TBL1XR1: variants seen among roughly 807,000 people sequenced by gnomAD.
The protein encoded by TBL1XR1 is TBL1X/Y related 1, also known as F-box-like/WD repeat-containing protein TBL1XR1.
Under a neutral mutation model 66.9 loss-of-function variants are expected in TBL1XR1, and 5 were observed. The observed-to-expected ratio is 0.07, with a 90% CI of 0.04 to 0.16. The LOEUF (loss-of-function observed/expected upper bound fraction) is 0.16, where lower values mean the gene tolerates loss of function less well. TBL1XR1 is among the 10% of genes least tolerant of loss of function. The pLI is 1.00. For missense variants in TBL1XR1, 238 were observed against 623.2 expected (o/e 0.38, Z 6.58); for synonymous variants, 210 against 206.0 (o/e 1.02, Z -0.17).
At chr3:177,053,293 C>A (rs1379348126) in intron 4 of TBL1XR1, among the ~76,000 whole-genome samples, 1 of 152,120 alleles carries the variant, frequency 6.6e-6, no homozygotes, top group Admixed American at 6.5e-5. Flanking sequence ...ATGTTCCAAT[C>A]AAACTTTATT....
chr3:177,157,099 T>A (rs1051345093), intron 1 of TBL1XR1, among the ~76,000 whole-genome samples: 1 of 152,128 alleles, frequency 6.6e-6, no homozygotes, highest in African/African-American at 2.4e-5. Flanking sequence ...GTAATCCCAC[T>A]TTGGGAGGCT....
At chr3:177,041,488 TTTTC>T (rs1715579756) in intron 10 of TBL1XR1, among the ~76,000 whole-genome samples, 1 of 152,154 alleles carries the variant, frequency 6.6e-6, no homozygotes, top group Non-Finnish European at 1.5e-5. Context: ...TCCTAAGAGG[TTTTC>T]CACAATAAGT....
intron 1 of TBL1XR1, among the ~76,000 whole-genome samples, chr3:177,183,408 G>A (rs1348470148): frequency 6.6e-6 from 1 of 152,142 alleles, no homozygotes; most frequent in Non-Finnish European, 1.5e-5. Flanking sequence ...CCATGTTAAC[G>A]TTTGTGTAAA....
intron 1 of TBL1XR1, chr3:177,195,454 G>C (rs1577462352): frequency 6.6e-6 from 1 of 151,606 alleles, no homozygotes; most frequent in Admixed American, 6.6e-5. Flanking sequence ...AAAATGGTGA[G>C]AACATACAAT....
At chr3:177,127,904 G>A in intron 1 of TBL1XR1, among the ~76,000 whole-genome samples, 1 of 152,152 alleles carries the variant, frequency 6.6e-6, no homozygotes, top group East Asian at 1.9e-4. Context: ...TTTACTATCA[G>A]TTATCAACGT....
intron 1 of TBL1XR1, among the ~76,000 whole-genome samples, chr3:177,100,151 G>C (rs1264657840): frequency 6.6e-6 from 1 of 152,116 alleles, no homozygotes; most frequent in Non-Finnish European, 1.5e-5. Flanking sequence ...GGGCACGAGG[G>C]TCACTTGAGC....
Position 177,087,922 on chromosome 3 carries a change from A to C in TBL1XR1, c.-46+10544T>G, listed in dbSNP as rs191280928. On this transcript the variant is annotated intron_variant, in intron 2 of 15. Coordinates refer to ENST00000457928, the MANE Select transcript of TBL1XR1 (RefSeq NM_024665.7). Reference sequence around the variant, plus strand: ...AGTACACCCAAAGAAAATTAGGAAAACTTAAAAATAAGCCAGATAATATTC... The same window carrying C: ...AGTACACCCAAAGAAAATTAGGAAACCTTAAAAATAAGCCAGATAATATTC... Among the ~76,000 whole-genome samples, 4 of 152,270 alleles carry C rather than the reference A, an allele frequency of 2.6e-5. No individual in the cohort carries two copies. In the East Asian group the frequency reaches 7.7e-4, roughly 29 times the overall value.
At chr3:177,121,887 A>G (rs1011991545) in intron 1 of TBL1XR1, among the ~76,000 whole-genome samples, 12 of 152,262 alleles carry the variant, frequency 7.9e-5, no homozygotes, top group Non-Finnish European at 1.3e-4. Context: ...CAACTAATAA[A>G]AAGAGCCATT....
intron 1 of TBL1XR1, among the ~76,000 whole-genome samples, chr3:177,180,610 G>T (rs1311949846): frequency 2.6e-5 from 4 of 152,006 alleles, no homozygotes; most frequent in Non-Finnish European, 5.9e-5. Flanking sequence ...CTGGTTTCTA[G>T]AAAGTAGCTC....
At chr3:177,186,345 C>A (rs1314625697) in intron 1 of TBL1XR1, among the ~76,000 whole-genome samples, 2 of 152,214 alleles carry the variant, frequency 1.3e-5, no homozygotes, top group Non-Finnish European at 2.9e-5. Flanking sequence ...GCTACAGCTA[C>A]AAATCGTATC....
intron 1 of TBL1XR1, among the ~76,000 whole-genome samples, chr3:177,139,338 G>A (rs1458818837): frequency 2.0e-5 from 3 of 152,030 alleles, no homozygotes; most frequent in African/African-American, 2.4e-5. Context: ...CCTGGCCAAC[G>A]TGGTGAAACC....
chr3:177,130,370 AAAC>A (rs747069093), intron 1 of TBL1XR1, among the ~76,000 whole-genome samples: 5 of 152,140 alleles, frequency 3.3e-5, no homozygotes, highest in East Asian at 3.8e-4. Context: ...ATTCAGTCAA[AAAC>A]AACAACAACA....
chr3:177,041,314 G>A (rs1282662654), intron 10 of TBL1XR1: 1 of 152,254 alleles, frequency 6.6e-6, no homozygotes, highest in Non-Finnish European at 1.5e-5. Context: ...GGAGGGAGGA[G>A]AGATCTAAAG....
intron 1 of TBL1XR1, among the ~76,000 whole-genome samples, chr3:177,105,847 T>A (rs903387674): frequency 6.6e-6 from 1 of 150,918 alleles, no homozygotes; most frequent in Admixed American, 6.6e-5. Context: ...TGGGTGGGGG[T>A]GGGAAGGGAA....
chr3:177,132,665 G>A (rs1207450680), intron 1 of TBL1XR1, among the ~76,000 whole-genome samples: 2 of 152,144 alleles, frequency 1.3e-5, no homozygotes, highest in African/African-American at 4.8e-5. Context: ...AAAGGAGATG[G>A]GGAACATGAA....
intron 1 of TBL1XR1, among the ~76,000 whole-genome samples, chr3:177,105,478 GA>G (rs1235178004): frequency 2.6e-5 from 4 of 152,166 alleles, no homozygotes; most frequent in Non-Finnish European, 4.4e-5. Context: ...AGTTAGAAAA[GA>G]AAACTGACAT....
chr3:177,075,303 T>C (rs762881472), intron 2 of TBL1XR1, among the ~76,000 whole-genome samples: 1 of 152,246 alleles, frequency 6.6e-6, no homozygotes, highest in South Asian at 2.1e-4. Context: ...CTCCTCTTTG[T>C]GTGTTGTCTG....
At chr3:177,147,072 A>G (rs1158149234) in intron 1 of TBL1XR1, among the ~76,000 whole-genome samples, 4 of 148,292 alleles carry the variant, frequency 2.7e-5, no homozygotes, top group African/African-American at 7.5e-5. Context: ...TAAGAGATGT[A>G]GTCTTACTCT....
intron 1 of TBL1XR1, among the ~76,000 whole-genome samples, chr3:177,150,990 A>C (rs1730817701): frequency 6.6e-6 from 1 of 152,252 alleles, no homozygotes; most frequent in Non-Finnish European, 1.5e-5. Context: ...TTATAACTAT[A>C]CATAATATAC....
Sources: gnomAD v4.1 joint callset for allele counts (sites outside exome capture counted in the v4.1 genomes callset) on GRCh38, gnomAD v4.1.1 for gene constraint, MANE v1.5 for transcripts, NCBI Gene and HGNC (gene_info 2026-07-23, HGNC 2026-07-21) for gene names.